Variants in RASGEF1C observed in about 807,000 individuals in gnomAD.
RASGEF1C encodes the protein RasGEF domain family member 1C.
In RASGEF1C, 27 loss-of-function variants were observed where a neutral mutation model predicts 58.1. The observed-to-expected ratio is 0.46, with a 90% CI of 0.34 to 0.64. RASGEF1C has a LOEUF of 0.64. RASGEF1C is among the 30% of genes least tolerant of loss of function. The pLI is 0.01. For missense variants in RASGEF1C, 502 were observed against 605.1 expected, an observed-to-expected ratio of 0.83 and a Z score of 1.79; for synonymous variants, 243 against 246.3, an observed-to-expected ratio of 0.99 and a Z score of 0.13.
In RASGEF1C at chr5:180,176,718, G is replaced by A. The variant is rs545120168; in HGVS notation, c.-7+32310C>T. On this transcript the variant is annotated intron_variant, in intron 1 of 13. Transcript: ENST00000361132. ...ACTATAGGCGTCTGCCACCATGCCC[G>A]GCTAATTTTTTGTATTTTTAGTAGA... 4.6e-5 allele frequency among the ~76,000 whole-genome samples: 7 copies of A among 152,104 alleles called. No homozygotes were observed. In the South Asian group the frequency reaches 6.2e-4, roughly 14 times the overall value.
chr5:180,133,866 TCTC>T (rs1193089571), intron 4 of RASGEF1C, among the ~76,000 whole-genome samples: 2 of 152,190 alleles, frequency 1.3e-5, no homozygotes, highest in Non-Finnish European at 2.9e-5. Flanking sequence ...AAGCATCTGT[TCTC>T]CTCACAGCCC....
At chr5:180,200,432 C>G (rs1486738987) in intron 1 of RASGEF1C, among the ~76,000 whole-genome samples, 1 of 150,114 alleles carries the variant, frequency 6.7e-6, no homozygotes, top group East Asian at 2.0e-4. Context: ...GCCTCAGCCT[C>G]CCGAGTAGCC....
rs188360026 is a variant in RASGEF1C at position 180,127,392 on chromosome 5, G to T, written c.714+217C>A. Among the ~76,000 whole-genome samples the T allele has an allele frequency of 1.6e-3, 243 of 152,328 alleles. 2 individuals carry two copies. The highest frequency in any genetic ancestry group is 7.6e-4 in the Non-Finnish European group (52 of 68,018). ...CCCTCGCTGGGTGGGTGACCCCCAC[G>T]TCCCGCACGTCCAGGCTTTCCGGGG... On this transcript the variant is annotated intron_variant, in intron 6 of 13. Coordinates refer to ENST00000361132, the MANE Select transcript of RASGEF1C (RefSeq NM_175062.4).
chr5:180,114,354 C>A, intron 11 of RASGEF1C, 92 bp downstream of exon 11: 1 of 1,257,318 alleles, frequency 8.0e-7, no homozygotes, highest in Non-Finnish European at 1.1e-6. Flanking sequence ...CCAGGGTCCC[C>A]CATGAGGCTG....
intron 13 of RASGEF1C, among the ~76,000 whole-genome samples, 183 bp from the exon 14 acceptor site, chr5:180,101,708 G>T (rs1272551956): frequency 6.6e-6 from 1 of 152,200 alleles, no homozygotes; most frequent in African/African-American, 2.4e-5. Context: ...ATTTCCGACC[G>T]CCACTTGGAC....
chr5:180,190,449 C>T (rs1756138997), intron 1 of RASGEF1C, among the ~76,000 whole-genome samples: 2 of 136,340 alleles, frequency 1.5e-5, no homozygotes, highest in South Asian at 4.8e-4. Context: ...GAGATCGCGC[C>T]ACTGCACTCC....
At chr5:180,181,595 C>T (rs889896990) in intron 1 of RASGEF1C, among the ~76,000 whole-genome samples, 1 of 152,124 alleles carries the variant, frequency 6.6e-6, no homozygotes, top group South Asian at 2.1e-4. Context: ...GATGCGGCTT[C>T]AAGCCAAGGA....
chr5:180,174,491 C>CGCACGT (rs1554114713), intron 1 of RASGEF1C, among the ~76,000 whole-genome samples: 7 of 143,694 alleles, frequency 4.9e-5, no homozygotes, highest in African/African-American at 1.6e-4. Flanking sequence ...TGTGTGTGCG[C>CGCACGT]GTGTGTGTCT....
intron 1 of RASGEF1C, 70 bp downstream of exon 1, chr5:180,208,958 C>T (rs1400184285): frequency 1.4e-5 from 2 of 147,492 alleles, no homozygotes; most frequent in African/African-American, 4.9e-5. Flanking sequence ...CGCCGGCAGC[C>T]CTCCCCAGCC....
chr5:180,159,619 G>C (rs940163655), intron 1 of RASGEF1C, among the ~76,000 whole-genome samples: 5 of 152,218 alleles, frequency 3.3e-5, no homozygotes, highest in Non-Finnish European at 7.3e-5. Context: ...CAAGAGAGAT[G>C]ATGGGGCTGC....
chr5:180,113,269 A>G (rs374848893), intron 11 of RASGEF1C, among the ~76,000 whole-genome samples: 1,482 of 25,266 alleles, frequency 0.059, 245 homozygotes, highest in Admixed American at 0.071. Flanking sequence ...GGAGGGACCG[A>G]GGATGGACGG....
intron 1 of RASGEF1C, among the ~76,000 whole-genome samples, chr5:180,162,613 C>A (rs548403950): frequency 1.3e-5 from 2 of 152,368 alleles, no homozygotes; most frequent in African/African-American, 2.4e-5. Context: ...ACAAGCTCCC[C>A]TCACCGCATT....
At chr5:180,163,122 T>G (rs935179939) in intron 1 of RASGEF1C, among the ~76,000 whole-genome samples, 7 of 152,158 alleles carry the variant, frequency 4.6e-5, no homozygotes, top group Non-Finnish European at 8.8e-5. Flanking sequence ...CTAGGTTTTC[T>G]TCCCCCTTTG....
intron 10 of RASGEF1C, chr5:180,115,437 AGGGCTGC>A (rs932528405): frequency 7.2e-5 from 24 of 333,246 alleles, no homozygotes; most frequent in South Asian, 1.7e-4. Flanking sequence ...CCGCCTGTGA[AGGGCTGC>A]GGGCTGCGTG....
Position 180,164,217 on chromosome 5 carries a change from C to T in RASGEF1C, c.-6-26159G>A, listed in dbSNP as rs149164723. Among the ~76,000 whole-genome samples the T allele has an allele frequency of 1.9e-4, 29 of 152,282 alleles. No individual in the cohort carries two copies. In the East Asian group the frequency reaches 4.4e-3, roughly 23 times the overall value. On this transcript the variant is annotated intron_variant, in intron 1 of 13. Coordinates refer to ENST00000361132, the MANE Select transcript of RASGEF1C (RefSeq NM_175062.4). ...GTTCTCTATCATTTTCTGTTTTCAA[C>T]ATCGTTGATATTTCCACACTTATTT...
At chr5:180,180,853 C>G (rs1212596135) in intron 1 of RASGEF1C, among the ~76,000 whole-genome samples, 1 of 152,194 alleles carries the variant, frequency 6.6e-6, no homozygotes, top group East Asian at 1.9e-4. Context: ...ATTTCCAGAC[C>G]CTGAAAAGTC....
intron 10 of RASGEF1C, among the ~76,000 whole-genome samples, chr5:180,117,112 C>G (rs901425890): frequency 2.0e-5 from 3 of 152,232 alleles, no homozygotes; most frequent in African/African-American, 7.2e-5. Flanking sequence ...GGCTCCGGCT[C>G]CTGGCAGGCC....
chr5:180,142,854 C>G (rs186227521), intron 1 of RASGEF1C, among the ~76,000 whole-genome samples: 11 of 152,254 alleles, frequency 7.2e-5, no homozygotes, highest in Admixed American at 4.6e-4. Flanking sequence ...CTGGGAACAC[C>G]TGAACTGATT....
At chr5:180,176,809 G>A (rs931088835) in intron 1 of RASGEF1C, among the ~76,000 whole-genome samples, 1 of 152,146 alleles carries the variant, frequency 6.6e-6, no homozygotes, top group Non-Finnish European at 1.5e-5. Flanking sequence ...GCCCGCCTCG[G>A]CCTCCCAAAG....
Sources: allele counts gnomAD v4.1 joint callset (sites outside exome capture counted in the v4.1 genomes callset), GRCh38; gene constraint gnomAD v4.1.1; transcripts MANE v1.5; gene names NCBI Gene and HGNC (gene_info 2026-07-23, HGNC 2026-07-21).